The following MYH4 variants were observed in gnomAD, a reference collection of about 807,000 sequenced individuals.
MYH4 encodes the protein myosin-4.
Under a neutral mutation model 229.9 loss-of-function variants are expected in MYH4, and 200 were observed. That is an observed-to-expected ratio of 0.87 (90% CI 0.78 to 0.98). MYH4 has a LOEUF of 0.98. Ranked by LOEUF, MYH4 falls within the 50% of genes least tolerant of loss-of-function variation. MYH4 has a pLI of 0.00. For synonymous variants in MYH4, 761 were observed against 834.6 expected, an observed-to-expected ratio of 0.91 and a Z score of 1.52; for missense variants, 2,148 against 2,332.6, an observed-to-expected ratio of 0.92 and a Z score of 1.63.
intron 22 of MYH4, among the ~76,000 whole-genome samples, 171 bp from the exon 23 acceptor site, chr17:10,454,056 G>A (rs1280531481): frequency 6.6e-6 from 1 of 152,242 alleles, no homozygotes; most frequent in Non-Finnish European, 1.5e-5. Flanking sequence ...TACTGATCAA[G>A]TATAATAACA....
chr17:10,448,271 C>A lies in MYH4; in HGVS notation c.4656+125G>T. ...CTATTAGCTCTGCATTCTCAAGGTACAATTCAGTATTTTTCACTGAATTAC... is the reference window on the plus strand; with the variant it reads ...CTATTAGCTCTGCATTCTCAAGGTAAAATTCAGTATTTTTCACTGAATTAC... On this transcript the variant is annotated intron_variant, in intron 33 of 39. Coordinates refer to ENST00000255381, the MANE Select transcript of MYH4 (RefSeq NM_017533.2). 2.3e-6 allele frequency: 3 copies of A among 1,325,396 alleles called. No individual in the cohort carries two copies. The Admixed American group carries it at 8.0e-5, about 35-fold the overall frequency. The allele number at this position is 1,325,396 out of a possible 1,614,324, so 82.1% of individuals were successfully genotyped here.
chr17:10,460,562 C>A (rs2072690131), intron 12 of MYH4, among the ~76,000 whole-genome samples: 1 of 152,142 alleles, frequency 6.6e-6, no homozygotes, highest in South Asian at 2.1e-4. Context: ...TTTAACCTGG[C>A]AAAAGTAGAC....
intron 11 of MYH4, 44 bp from the exon 12 acceptor site, chr17:10,461,098 G>A (rs750681049): frequency 4.2e-5 from 67 of 1,607,906 alleles, no homozygotes; most frequent in Non-Finnish European, 5.1e-5. Flanking sequence ...TAGCACCATG[G>A]AAGAATCCCT....
chr17:10,447,828 C>T lies in MYH4; in HGVS notation c.4955G>A (p.Gly1652Glu), dbSNP rs376588342. 9 of 1,610,400 alleles carry T rather than the reference C, an allele frequency of 5.6e-6. No homozygotes were observed. The highest frequency in any genetic ancestry group is 5.1e-6 in the Non-Finnish European group (6 of 1,178,128). The change falls in exon 34 of 40, where the codon GGA (glycine) becomes GAA (glutamate). Residue 1652 changes from glycine (G) to glutamate (E), a missense_variant. Gly to Glu is a moderately conservative substitution (Grantham distance 98). Coordinates refer to ENST00000255381, the MANE Select transcript of MYH4 (RefSeq NM_017533.2). ...EALRNLRNTQ[G>E]ILKDTQLHLD... ...TTTACCCCAGCATACCTTCAGTATT[C>T]CTTGTGTGTTTCTAAGATTCCTTAG...
rs114833795 is a variant in MYH4, at chr17:10,447,155, G to A, written c.5027C>T (p.Ala1676Val). 886 of 1,614,076 alleles carry A rather than the reference G, an allele frequency of 5.5e-4. 6 individuals are homozygous for A. In the African/African-American group the frequency reaches 0.011, roughly 20 times the overall value. ...RGQDDLKEQL[A>V]MVERRANLMQ... Reference sequence around the variant, plus strand: ...CAGGTTAGCTCTGCGCTCAACCATTGCCAGTTGTTCCTTAAGGTCATCTTG... The same window carrying A: ...CAGGTTAGCTCTGCGCTCAACCATTACCAGTTGTTCCTTAAGGTCATCTTG... The change falls in exon 35 of 40, where the codon GCA (alanine) becomes GTA (valine). Residue 1676 changes from alanine to valine, a missense_variant. Transcript: ENST00000255381.
chr17:10,449,932 A>G lies in MYH4; in HGVS notation c.4181+521T>C, dbSNP rs139543868. ...GGAGTATAATGCTTTTTTTCCTTCT[A>G]TGTGTAAATCTGTAAATCTCATGAC... is the stretch of plus-strand genomic sequence containing the variant. On this transcript the variant is annotated intron_variant, in intron 30 of 39. Coordinates refer to ENST00000255381, the MANE Select transcript of MYH4 (RefSeq NM_017533.2). Among the ~76,000 whole-genome samples, 461 of 152,184 alleles carry G rather than the reference A, an allele frequency of 3.0e-3. 2 individuals carry two copies. Among genetic ancestry groups the G allele is most frequent in the African/African-American group, 0.01 (433 of 41,536 alleles).
At chr17:10,462,268 G>A (rs796849844) in intron 11 of MYH4, among the ~76,000 whole-genome samples, 4 of 152,204 alleles carry the variant, frequency 2.6e-5, no homozygotes, top group Non-Finnish European at 4.4e-5. Context: ...AAGCCAAAAA[G>A]CAATAATCCT....
rs774340611 is a variant in MYH4 at position 10,452,877 on chromosome 17, T to G, written c.3167A>C (p.Lys1056Thr). Residue 1056 changes from lysine to threonine, a missense_variant, in exon 25 of 40, where the codon AAG becomes ACG. Physicochemically the swap from Lys to Thr is moderately conservative, Grantham distance 78. Transcript: ENST00000255381. ...TTTTAGGTCACCCTCCAGTTTTCTC[T>G]TGGCTCTTTCTAAGTCCATGCAAAG... ...KKLCMDLERAKRKLEGDLKLA... is the reference protein window; with the variant it reads ...KKLCMDLERATRKLEGDLKLA... 3.7e-6 allele frequency: 6 copies of G among 1,608,456 alleles called. No homozygotes were observed. The highest frequency in any genetic ancestry group is 5.1e-6 in the Non-Finnish European group (6 of 1,179,076).
At chr17:10,449,933 T>C (rs2072553536) in intron 30 of MYH4, among the ~76,000 whole-genome samples, 1 of 152,180 alleles carries the variant, frequency 6.6e-6, no homozygotes, top group Admixed American at 6.5e-5. Flanking sequence ...TTTCCTTCTA[T>C]GTGTAAATCT....
intron 22 of MYH4, 149 bp downstream of exon 22, chr17:10,454,406 T>C (rs2072614414): frequency 2.0e-6 from 2 of 1,011,676 alleles, no homozygotes; most frequent in Admixed American, 4.6e-5. Context: ...TGCAGCATGA[T>C]ATGTGACTTT....
At chr17:10,451,709 C>T (rs1024033927) in intron 27 of MYH4, among the ~76,000 whole-genome samples, 31 of 151,866 alleles carry the variant, frequency 2.0e-4, no homozygotes, top group Non-Finnish European at 3.8e-4. Context: ...TTAGATAAAC[C>T]TTTTTTGTAA....
chr17:10,450,154 A>G (rs2072556241), intron 30 of MYH4, among the ~76,000 whole-genome samples: 1 of 152,180 alleles, frequency 6.6e-6, no homozygotes, highest in African/African-American at 2.4e-5. Context: ...CTTCTATTAA[A>G]AGATACTAAT....
chr17:10,449,730 C>T (rs2072551543), intron 30 of MYH4, among the ~76,000 whole-genome samples: 1 of 152,140 alleles, frequency 6.6e-6, no homozygotes, highest in Non-Finnish European at 1.5e-5. Context: ...TTGCATTTCC[C>T]AAATTTCCTC....
In MYH4 at chr17:10,459,385, T is replaced by C; in HGVS notation, c.1453A>G (p.Asn485Asp). 6.2e-7 allele frequency: 1 copy of C among 1,614,200 alleles called. No individual in the cohort carries two copies. ...SLEQLCINFTNEKLQQFFNHH... is the reference protein window; with the variant it reads ...SLEQLCINFTDEKLQQFFNHH... The stretch of plus-strand genomic sequence containing the variant: ...TTGAAAAACTGTTGCAGTTTCTCGT[T>C]GGTGAAGTTGATGCACAGCTGCTCC... Residue 485 changes from asparagine to aspartate, a missense_variant, in exon 15 of 40, where the codon AAC becomes GAC. By Grantham distance (23) the Asn-to-Asp change is conservative. Coordinates refer to ENST00000255381, the MANE Select transcript of MYH4 (RefSeq NM_017533.2).
Position 10,450,782 on chromosome 17 carries a change from T to C in MYH4, c.3979A>G (p.Thr1327Ala), listed in dbSNP as rs2072564153. The change falls in exon 29 of 40, where the codon ACT becomes GCT. Residue 1327 changes from threonine to alanine, a missense_variant. Thr to Ala is a moderately conservative substitution (Grantham distance 58). Transcript: ENST00000255381. ...EELKRQLEEE[T>A]KAKSTLAHAL... Reference sequence around the variant, plus strand: ...ATCAGCTGGAGAATTCTCACCTTAGTCTCCTCTTCTAGCTGCCTCTTTAAT... The same window carrying C: ...ATCAGCTGGAGAATTCTCACCTTAGCCTCCTCTTCTAGCTGCCTCTTTAAT... 2 of 1,613,244 alleles carry C rather than the reference T, an allele frequency of 1.2e-6. No homozygotes were observed. The highest frequency in any genetic ancestry group is 1.3e-5 in the African/African-American group (1 of 75,032).
Position 10,444,898 on chromosome 17 carries a change from AC to A in MYH4, c.5467del (p.Val1823Ter). On this transcript the variant is annotated frameshift_variant and splice_region_variant, in exon 38 of 40. Transcript: ENST00000255381. LOFTEE classifies it high-confidence loss of function. The stretch of plus-strand genomic sequence containing the variant: ...TTCCACCTCACTTTCAAGCTCTCTC[AC>A]CTGGAAGGGAACAAAGACGTTTACC... The part of the protein sequence containing the change: ...KKQIQKLEAR[V>X]RELESEVESE... 2 of 1,614,002 alleles carry A rather than the reference AC, an allele frequency of 1.2e-6. No homozygotes were observed. Among genetic ancestry groups the A allele is most frequent in the South Asian group, 2.2e-5 (2 of 91,074 alleles).
chr17:10,448,642 T>G lies in MYH4; in HGVS notation c.4507A>C (p.Lys1503Gln), dbSNP rs1323112846. 2 of 1,613,956 alleles carry G rather than the reference T, an allele frequency of 1.2e-6. No homozygotes were observed. Among genetic ancestry groups the G allele is most frequent in the Non-Finnish European group, 8.5e-7 (1 of 1,179,996 alleles). Residue 1503 changes from lysine to glutamine, a missense_variant, in exon 32 of 40, where the codon AAG (lysine) becomes CAG (glutamine). Transcript: ENST00000255381. ...EESLDHLETL[K>Q]RENKNLQQEI... ...CGTTGTAAGTTCTTATTCTCTCGCT[T>G]TAGAGTTTCAAGATGATCCAGGGAT...
rs759797559 is a variant in MYH4, at chr17:10,450,499, A to G, written c.4135T>C (p.Tyr1379His). 2 of 1,613,836 alleles carry G rather than the reference A, an allele frequency of 1.2e-6. No individual in the cohort carries two copies. The highest frequency in any genetic ancestry group is 2.7e-5 in the African/African-American group (2 of 74,884). The part of the protein sequence containing the change: ...NSEVAQWRTK[Y>H]ETDAIQRTEE... Reference sequence around the variant, plus strand: ...GTGCGCTGGATGGCGTCCGTCTCGTACTTGGTCCTCCACTGGGCAACCTCA... The same window carrying G: ...GTGCGCTGGATGGCGTCCGTCTCGTGCTTGGTCCTCCACTGGGCAACCTCA... The change falls in exon 30 of 40, where the codon TAC becomes CAC. Residue 1379 changes from tyrosine to histidine, a missense_variant. By Grantham distance (83) the Tyr-to-His change is moderately conservative. Transcript: ENST00000255381.
Position 10,463,623 on chromosome 17 carries a change from G to T in MYH4, c.669C>A (p.Ile223=). The T allele has an allele frequency of 1.2e-6, 2 of 1,610,708 alleles. No homozygotes were observed. Among genetic ancestry groups the T allele is most frequent in the Non-Finnish European group, 8.5e-7 (1 of 1,178,784 alleles). ...GKMQGTLEDQ[I]ISANPLLEAF... Reference sequence around the variant, plus strand: ...CTTCCAGTAGGGGGTTAGCACTGATGATTTGATCTTCAAGGGTCCCCTTAA... The same window carrying T: ...CTTCCAGTAGGGGGTTAGCACTGATTATTTGATCTTCAAGGGTCCCCTTAA... Residue 223 remains isoleucine (I), a synonymous_variant, in exon 8 of 40, where the codon ATC becomes ATA. Coordinates refer to ENST00000255381, the MANE Select transcript of MYH4 (RefSeq NM_017533.2).
Sources: gnomAD v4.1 joint callset for allele counts (sites outside exome capture counted in the v4.1 genomes callset) on GRCh38, gnomAD v4.1.1 for gene constraint, MANE v1.5 for transcripts, NCBI Gene and HGNC (gene_info 2026-07-23, HGNC 2026-07-21) for gene names.